The following CDADC1 variants were observed in gnomAD, a reference collection of about 807,000 sequenced individuals.
The protein encoded by CDADC1 is cytidine and dCMP deaminase domain containing 1, also known as dCTP deaminase.
Under a neutral mutation model 54.9 loss-of-function variants are expected in CDADC1, and 39 were observed. That is an observed-to-expected ratio of 0.71 (90% CI 0.55 to 0.93). The LOEUF (loss-of-function observed/expected upper bound fraction) is 0.93. CDADC1 is among the 40% of genes least tolerant of loss of function. The pLI, the probability that CDADC1 is intolerant of heterozygous loss-of-function variation, is 0.00. For synonymous variants in CDADC1, 186 were observed against 204.0 expected, an observed-to-expected ratio of 0.91 and a Z score of 0.75; for missense variants, 518 against 618.8, an observed-to-expected ratio of 0.84 and a Z score of 1.73.
intron 3 of CDADC1, among the ~76,000 whole-genome samples, chr13:49,256,405 C>T (rs1373464358): frequency 6.6e-6 from 1 of 152,228 alleles, no homozygotes; most frequent in African/African-American, 2.4e-5. Context: ...ACACTACCCA[C>T]CCTGTGTCCA....
At chr13:49,256,039 G>T (rs111258401) in intron 3 of CDADC1, 126 bp downstream of exon 3, 2 of 1,325,318 alleles carry the variant, frequency 1.5e-6, no homozygotes, top group African/African-American at 1.5e-5. Flanking sequence ...TCTAAAAATG[G>T]TCTGTATATT....
At chr13:49,274,921 T>C (rs541565561) in intron 6 of CDADC1, among the ~76,000 whole-genome samples, 2 of 152,206 alleles carry the variant, frequency 1.3e-5, no homozygotes, top group South Asian at 4.1e-4. Flanking sequence ...ATAACTGATA[T>C]CATGAGAACA....
rs1398060635 is a variant in CDADC1, at chr13:49,264,942, C to T, written c.431-2548C>T. 2.0e-5 allele frequency among the ~76,000 whole-genome samples: 3 copies of T among 152,148 alleles called. No homozygotes were observed. In the East Asian group the frequency reaches 5.8e-4, roughly 29 times the overall value. On this transcript the variant is annotated intron_variant, in intron 4 of 9. Coordinates refer to ENST00000251108, the MANE Select transcript of CDADC1 (RefSeq NM_030911.4). The stretch of plus-strand genomic sequence containing the variant: ...GGCTGGGAGACATTATTTAACTTGC[C>T]CAAGTTTCTAAAGCCAGTTACTGGC...
At chr13:49,249,398 G>A (rs1200753690) in intron 2 of CDADC1, among the ~76,000 whole-genome samples, 1 of 152,228 alleles carries the variant, frequency 6.6e-6, no homozygotes, top group Admixed American at 6.5e-5. Flanking sequence ...AATGTTGGAT[G>A]GAAGTAGTCT....
intron 4 of CDADC1, among the ~76,000 whole-genome samples, chr13:49,261,085 G>A (rs542390606): frequency 6.6e-6 from 1 of 152,276 alleles, no homozygotes; most frequent in African/African-American, 2.4e-5. Context: ...TAGTGATAGT[G>A]GAGAACTTTG....
At chr13:49,285,234 A>G (rs903600136) in intron 8 of CDADC1, among the ~76,000 whole-genome samples, 5 of 138,392 alleles carry the variant, frequency 3.6e-5, no homozygotes, top group African/African-American at 1.4e-4. Flanking sequence ...GCTGGAGTGC[A>G]GTGGTGCAAT....
In CDADC1 at chr13:49,291,910, TAATAAG is replaced by T. The variant is rs937459401; in HGVS notation, c.*158_*163del. Reference sequence around the variant, plus strand: ...TTTATTTCTAGGATACAAATGGTGTTAATAAGAATATTTGTCTTTTAGATTTATGTG... The same window carrying T: ...TTTATTTCTAGGATACAAATGGTGTTAATATTTGTCTTTTAGATTTATGTG... On this transcript the variant is annotated 3_prime_UTR_variant, in exon 10 of 10. Coordinates refer to ENST00000251108, the MANE Select transcript of CDADC1 (RefSeq NM_030911.4). 6.9e-5 allele frequency: 97 copies of T among 1,405,314 alleles called. No homozygotes were observed. The African/African-American group carries it at 1.2e-3, about 17-fold the overall frequency. The allele number at this position is 1,405,314 out of a possible 1,614,324, so 87.1% of individuals were successfully genotyped here. A position where few individuals can be genotyped will look rare whatever the true frequency, so the allele number is the denominator to read the frequency against.
In CDADC1 at chr13:49,267,634, T is replaced by C. The variant is rs1301100920; in HGVS notation, c.575T>C (p.Leu192Pro). ...AGTCGGGCCCATGTGTGTGTCTTAC[T>C]TCAACCTTTGGTGTGTTATATGGTG... ...SNSRAHVCVL[L>P]QPLVCYMVQF... The change falls in exon 5 of 10, where the codon CTT (leucine) becomes CCT (proline). Residue 192 changes from leucine to proline, a missense_variant. Transcript: ENST00000251108. 6.2e-7 allele frequency: 1 copy of C among 1,614,188 alleles called. No homozygotes were observed. The highest frequency in any genetic ancestry group is 1.1e-5 in the South Asian group (1 of 91,072).
chr13:49,270,108 AAC>A, intron 5 of CDADC1, among the ~76,000 whole-genome samples: 1 of 152,340 alleles, frequency 6.6e-6, no homozygotes, highest in African/African-American at 2.4e-5. Flanking sequence ...CTTAGCACTA[AAC>A]ACAATGTGCG....
At chr13:49,269,331 A>G (rs1452686065) in intron 5 of CDADC1, among the ~76,000 whole-genome samples, 1 of 149,222 alleles carries the variant, frequency 6.7e-6, no homozygotes, top group East Asian at 2.0e-4. Context: ...TACAGATGCT[A>G]TACTTTTTAC....
chr13:49,288,558 G>T (rs1280757940), intron 9 of CDADC1, among the ~76,000 whole-genome samples: 1 of 152,206 alleles, frequency 6.6e-6, no homozygotes, highest in Non-Finnish European at 1.5e-5. Context: ...CATACAGTAT[G>T]TAATTCCTTT....
chr13:49,247,999 G>A lies in CDADC1; in HGVS notation c.-39G>A. The A allele has an allele frequency of 6.5e-7, 1 of 1,533,234 alleles. No homozygotes were observed. The highest frequency in any genetic ancestry group is 8.8e-7 in the Non-Finnish European group (1 of 1,130,408). 95.0% of individuals were successfully genotyped at this position (1,533,234 alleles called of 1,614,324 possible). ...CTAGGGCCGAGATCATGTCTGACTGGGAGAGGTTTCCTTGGCAGCAGAGGA... is the reference window on the plus strand; with the variant it reads ...CTAGGGCCGAGATCATGTCTGACTGAGAGAGGTTTCCTTGGCAGCAGAGGA... On this transcript the variant is annotated 5_prime_UTR_variant, in exon 1 of 10. It introduces an in-frame stop codon into an upstream open reading frame of the 5' UTR. Transcript: ENST00000251108.
chr13:49,279,501 A>T (rs1321874931), intron 7 of CDADC1, among the ~76,000 whole-genome samples: 1 of 152,208 alleles, frequency 6.6e-6, no homozygotes, highest in Non-Finnish European at 1.5e-5. Flanking sequence ...TTAGGTTGGA[A>T]TGTGGACACA....
chr13:49,271,156 G>A (rs1462187738), intron 5 of CDADC1, among the ~76,000 whole-genome samples: 1 of 152,168 alleles, frequency 6.6e-6, no homozygotes. Flanking sequence ...GCTCCCGCCT[G>A]TAATACCAGC....
chr13:49,284,977 G>A (rs1445060448), intron 8 of CDADC1, among the ~76,000 whole-genome samples: 5 of 152,000 alleles, frequency 3.3e-5, no homozygotes. Flanking sequence ...ATTTTCTCCT[G>A]CCCCAATATT....
intron 6 of CDADC1, 141 bp from the exon 7 acceptor site, chr13:49,278,209 T>G (rs1953202067): frequency 3.5e-6 from 2 of 570,880 alleles, no homozygotes; most frequent in South Asian, 9.0e-5. Flanking sequence ...TATCTGGTAT[T>G]ATATTTTTTG....
intron 9 of CDADC1, among the ~76,000 whole-genome samples, chr13:49,290,256 T>C (rs1953663440): frequency 2.6e-5 from 4 of 151,886 alleles, no homozygotes; most frequent in Admixed American, 2.6e-4. Flanking sequence ...TTTGTTTTTT[T>C]TCCATCTCCC....
chr13:49,283,284 AT>A (rs1953404383), intron 8 of CDADC1, among the ~76,000 whole-genome samples: 1 of 152,108 alleles, frequency 6.6e-6, no homozygotes, highest in Non-Finnish European at 1.5e-5. Flanking sequence ...CATTTGTAAT[AT>A]TGTCATTTTT....
Position 49,278,346 on chromosome 13 carries a change from G to T in CDADC1, c.1051-4G>T, listed in dbSNP as rs1953206524. 1 of 1,524,698 alleles carries T rather than the reference G, an allele frequency of 6.6e-7. No individual in the cohort carries two copies. The highest frequency in any genetic ancestry group is 8.9e-7 in the Non-Finnish European group (1 of 1,120,800). The allele number at this position is 1,524,698 out of a possible 1,614,324, so 94.4% of individuals were successfully genotyped here. A position where few individuals can be genotyped will look rare whatever the true frequency, so the allele number is the denominator to read the frequency against. ...ACTAACCATTGGTTTGCTCACTCTC[G>T]TAGAGAAGTTGTGATGGAACAGGTG... On this transcript the variant is annotated splice_region_variant and splice_polypyrimidine_tract_variant and intron_variant, in intron 6 of 9. Transcript: ENST00000251108.
Sources: gnomAD v4.1 joint callset for allele counts (sites outside exome capture counted in the v4.1 genomes callset) on GRCh38, gnomAD v4.1.1 for gene constraint, MANE v1.5 for transcripts, NCBI Gene and HGNC (gene_info 2026-07-23, HGNC 2026-07-21) for gene names.